The following PHC2 variants were observed in gnomAD, a reference collection of about 807,000 sequenced individuals.
PHC2 encodes the protein polyhomeotic-like protein 2.
PHC2 carries 29 observed loss-of-function variants against 87.4 expected under a neutral mutation model. The observed-to-expected ratio is 0.33, with a 90% CI of 0.25 to 0.45. The LOEUF is 0.45. PHC2 is among the 20% of genes least tolerant of loss of function. The pLI is 1.00. For synonymous variants in PHC2, 438 were observed against 461.7 expected, an observed-to-expected ratio of 0.95 and a Z score of 0.66; for missense variants, 857 against 1,136.7, an observed-to-expected ratio of 0.75 and a Z score of 3.54.
chr1:33,334,291 C>G lies in PHC2; in HGVS notation c.1560G>C (p.Glu520Asp), dbSNP rs772882863. Residue 520 changes from glutamate to aspartate, a missense_variant and splice_region_variant, in exon 10 of 15, where the codon GAG (glutamate) becomes GAC (aspartate). Glu to Asp is a conservative substitution (Grantham distance 45). This residue lies in a region of PHC2 where 832 missense variants were observed against 1,081.8 expected (regional missense o/e 0.77). Coordinates refer to ENST00000683057, the MANE Select transcript of PHC2 (RefSeq NM_001385109.1). This position sits in a 1 kb window ranked among gnomAD's most constrained non-coding sequence, Gnocchi z 5.5. ...GTGCATGAACAATGCCCTGCCCTGT[C>G]TCTGCACGAGAGAGAGTAGGAAAAC... The part of the protein sequence containing the change: ...SPNIQPSPAH[E>D]TGQGIVHALT... 1.3e-5 allele frequency: 21 copies of G among 1,612,656 alleles called. No individual in the cohort carries two copies. The highest frequency in any genetic ancestry group is 8.5e-7 in the Non-Finnish European group (1 of 1,179,452).
At chr1:33,342,834 G>C (rs1055152927) in intron 9 of PHC2, among the ~76,000 whole-genome samples, 1 of 152,206 alleles carries the variant, frequency 6.6e-6, no homozygotes, top group African/African-American at 2.4e-5. Flanking sequence ...TCCGGCCCAT[G>C]CTATGATTTC....
Position 33,324,868 on chromosome 1 carries a change from G to T in PHC2, c.2577C>A (p.Ser859=), listed in dbSNP as rs1193901300. Residue 859 remains serine, a synonymous_variant, in exon 15 of 15, where the codon TCC becomes TCA. Coordinates refer to ENST00000683057, the MANE Select transcript of PHC2 (RefSeq NM_001385109.1). The part of the protein sequence containing the change: ...IYARISMLKD[S] ...AGAATCCTGGCTGCCACCAGCCCTA[G>T]GAGTCCTTGAGCATGCTGATGCGGG... The T allele has an allele frequency of 1.2e-6, 2 of 1,611,822 alleles. No individual in the cohort carries two copies. The highest frequency in any genetic ancestry group is 2.7e-5 in the African/African-American group (2 of 74,920).
At chr1:33,397,482 T>C (rs1649343639) in intron 1 of PHC2, among the ~76,000 whole-genome samples, 2 of 152,328 alleles carry the variant, frequency 1.3e-5, no homozygotes, top group Admixed American at 6.5e-5. Flanking sequence ...ATTATAATCT[T>C]ACCCTGTTAG....
intron 1 of PHC2, among the ~76,000 whole-genome samples, chr1:33,395,294 C>T (rs12092897): frequency 0.018 from 2,709 of 151,312 alleles, 74 homozygotes; most frequent in African/African-American, 0.061. Context: ...CTGTGGGGTA[C>T]GGGGTGGGGA....
chr1:33,408,611 C>A (rs1407757859), intron 1 of PHC2, among the ~76,000 whole-genome samples: 1 of 152,126 alleles, frequency 6.6e-6, no homozygotes, highest in Non-Finnish European at 1.5e-5. Flanking sequence ...CAGGCATGTG[C>A]CACCATAACC....
chr1:33,327,338 C>T (rs1186171891), intron 14 of PHC2, among the ~76,000 whole-genome samples: 1 of 152,150 alleles, frequency 6.6e-6, no homozygotes, highest in African/African-American at 2.4e-5. Context: ...CCCCAGGAGC[C>T]TCATCTCACC....
intron 1 of PHC2, among the ~76,000 whole-genome samples, chr1:33,414,177 T>TCTCTCA (rs372228145): frequency 7.0e-6 from 1 of 142,754 alleles, no homozygotes; most frequent in East Asian, 2.0e-4. Context: ...TCTCTCTCTG[T>TCTCTCA]CACACACACA....
intron 14 of PHC2, among the ~76,000 whole-genome samples, chr1:33,326,640 T>TA (rs752013294): frequency 1.3e-5 from 2 of 152,168 alleles, no homozygotes; most frequent in Non-Finnish European, 2.9e-5. Context: ...TTTTAAGAAA[T>TA]ACTGAATTAC....
intron 1 of PHC2, chr1:33,392,849 C>T (rs1396739775): frequency 1.3e-5 from 2 of 152,154 alleles, no homozygotes; most frequent in Non-Finnish European, 2.9e-5. Context: ...ATGTTGTTAC[C>T]TAGCAACAGC....
intron 1 of PHC2, among the ~76,000 whole-genome samples, chr1:33,404,173 C>A (rs752008593): frequency 2.6e-5 from 4 of 152,186 alleles, no homozygotes; most frequent in Non-Finnish European, 2.9e-5. Context: ...CAAAACACTT[C>A]TTCTAATATT....
At chr1:33,335,908 A>T (rs1284563567) in intron 9 of PHC2, among the ~76,000 whole-genome samples, 7 of 126,442 alleles carry the variant, frequency 5.5e-5, no homozygotes, top group Non-Finnish European at 8.2e-5. Context: ...TTGGGGGGGG[A>T]GGGGGGGAAA....
intron 9 of PHC2, chr1:33,346,982 A>T: frequency 1.0e-6 from 1 of 985,434 alleles, no homozygotes; most frequent in Non-Finnish European, 1.2e-6. Context: ...AGGTAAGAAG[A>T]GTTCAATTGT....
chr1:33,358,632 A>G (rs1398068012), intron 7 of PHC2, among the ~76,000 whole-genome samples: 1 of 152,136 alleles, frequency 6.6e-6, no homozygotes, highest in South Asian at 2.1e-4. Flanking sequence ...CACAGATCTG[A>G]TCTCTCACTA....
Position 33,375,548 on chromosome 1 carries a change from G to C in PHC2, c.-9C>G. The C allele has an allele frequency of 6.6e-7, 1 of 1,518,566 alleles. No homozygotes were observed. Among genetic ancestry groups the C allele is most frequent in the Non-Finnish European group, 8.9e-7 (1 of 1,125,402 alleles). The allele number at this position is 1,518,566 out of a possible 1,614,324, so 94.1% of individuals were successfully genotyped here. A position where few individuals can be genotyped will look rare whatever the true frequency, so the allele number is the denominator to read the frequency against. ...GGCAGCTCATTCTCCATGGCCTGCA[G>C]TGTGGCGCAGTCAGGGCGCTCGGAT... On this transcript the variant is annotated 5_prime_UTR_variant, in exon 2 of 15. Transcript: ENST00000683057.
chr1:33,417,737 AATACAT>A (rs1421661028), intron 1 of PHC2, among the ~76,000 whole-genome samples: 2 of 152,270 alleles, frequency 1.3e-5, no homozygotes, highest in South Asian at 2.1e-4. Flanking sequence ...TGTAAAAATT[AATACAT>A]ATATAAAAGA....
chr1:33,391,095 T>G (rs1340213495), intron 1 of PHC2, among the ~76,000 whole-genome samples: 1 of 152,108 alleles, frequency 6.6e-6, no homozygotes, highest in Non-Finnish European at 1.5e-5. Flanking sequence ...AATGCAAATT[T>G]TCAGGTCCAC....
chr1:33,420,298 C>T (rs1487219860), intron 1 of PHC2, among the ~76,000 whole-genome samples: 1 of 152,178 alleles, frequency 6.6e-6, no homozygotes, highest in Admixed American at 6.5e-5. Context: ...AAACTCAAAT[C>T]TATACAATTA....
At chr1:33,379,512 A>C (rs1165672401) in intron 1 of PHC2, among the ~76,000 whole-genome samples, 1 of 76,974 alleles carries the variant, frequency 1.3e-5, no homozygotes, top group Non-Finnish European at 2.5e-5. Context: ...ACCCCCAACC[A>C]CCCGTGTCTT....
At chr1:33,423,439 G>A (rs1200379868) in intron 1 of PHC2, among the ~76,000 whole-genome samples, 1 of 152,126 alleles carries the variant, frequency 6.6e-6, no homozygotes, top group Non-Finnish European at 1.5e-5. Context: ...CATGATTTTA[G>A]CCATCAAGGA....
Sources: gnomAD v4.1 joint callset for allele counts (sites outside exome capture counted in the v4.1 genomes callset) on GRCh38, gnomAD v4.1.1 for gene constraint, gnomAD v4.1.1 regional missense constraint, Gnocchi (gnomAD v3.1) non-coding constraint, MANE v1.5 for transcripts, NCBI Gene and HGNC (gene_info 2026-07-23, HGNC 2026-07-21) for gene names.